Variants in CD46 observed in about 807,000 individuals in gnomAD.
The protein encoded by CD46 is membrane cofactor protein.
CD46 carries 30 observed loss-of-function variants against 53.3 expected under a neutral mutation model. That is an observed-to-expected ratio of 0.56 (90% confidence interval 0.42 to 0.76). The LOEUF (loss-of-function observed/expected upper bound fraction) is 0.76, where lower values mean the gene tolerates loss of function less well. Ranked by LOEUF, CD46 falls within the 30% of genes least tolerant of loss-of-function variation. The pLI is 0.00. For synonymous variants in CD46, 142 were observed against 152.0 expected, an observed-to-expected ratio of 0.93 and a Z score of 0.48; for missense variants, 409 against 463.0, an observed-to-expected ratio of 0.88 and a Z score of 1.07.
intron 8 of CD46, among the ~76,000 whole-genome samples, chr1:207,779,736 C>T (rs1341901290): frequency 1.3e-5 from 2 of 151,912 alleles, no homozygotes; most frequent in Non-Finnish European, 2.9e-5. Flanking sequence ...GGTTCCACCT[C>T]GCCCCACCCC....
In CD46 at chr1:207,762,015, G is replaced by A. The variant is rs115807596; in HGVS notation, c.673+569G>A. ...TACACATGAAACATTCTCCAAAGTA[G>A]ACCATATTCTAGACAATAAGACAAC... On this transcript the variant is annotated intron_variant, in intron 5 of 12. Transcript: ENST00000367042. Among the ~76,000 whole-genome samples the A allele has an allele frequency of 4.6e-3, 708 of 152,270 alleles. 9 individuals are homozygous for A. The highest frequency in any genetic ancestry group is 0.025 in the South Asian group (121 of 4,826).
At chr1:207,753,020 G>T (rs1655097734) in intron 1 of CD46, among the ~76,000 whole-genome samples, 1 of 151,066 alleles carries the variant, frequency 6.6e-6, no homozygotes. Context: ...TGTGCCTTCT[G>T]TGAACAGTCT....
intron 8 of CD46, among the ~76,000 whole-genome samples, chr1:207,781,083 C>A (rs41317957): frequency 8.6e-5 from 13 of 150,952 alleles, no homozygotes; most frequent in Non-Finnish European, 1.8e-4. Context: ...ATTACATTGA[C>A]AATTAAATTT....
chr1:207,768,192 A>G (rs1239840361), intron 7 of CD46: 3 of 222,110 alleles, frequency 1.4e-5, no homozygotes, highest in South Asian at 7.0e-5. Flanking sequence ...GAGCTAGCCA[A>G]TATGACTTAT....
chr1:207,767,187 G>C lies in CD46; in HGVS notation c.848G>C (p.Cys283Ser). ...ACTTGGGATCCCCCAGTTCCAAAGT[G>C]TCTTAAAGGTACAAAGGTTATCTTT... ...NSTWDPPVPK[C>S]LKVSTSSTTK... Residue 283 changes from cysteine to serine, a missense_variant, in exon 6 of 13, where the codon TGT becomes TCT. Cys to Ser is a moderately radical substitution (Grantham distance 112). Transcript: ENST00000367042. 6.2e-7 allele frequency: 1 copy of C among 1,612,724 alleles called. No individual in the cohort carries two copies. The highest frequency in any genetic ancestry group is 8.5e-7 in the Non-Finnish European group (1 of 1,178,730).
intron 9 of CD46, 79 bp from the exon 10 acceptor site, chr1:207,784,992 G>A: frequency 2.5e-6 from 3 of 1,188,312 alleles, no homozygotes; most frequent in Non-Finnish European, 3.7e-6. Context: ...ACCATATCAA[G>A]TGTTTAGATG....
intron 4 of CD46, 45 bp from the exon 5 acceptor site, chr1:207,761,204 T>C (rs553605622): frequency 3.1e-6 from 4 of 1,273,630 alleles, no homozygotes; most frequent in South Asian, 2.5e-5. Flanking sequence ...ACTAATGCTG[T>C]CTTAATCTTT....
intron 8 of CD46, among the ~76,000 whole-genome samples, chr1:207,779,896 T>C: frequency 7.2e-6 from 1 of 138,190 alleles, no homozygotes; most frequent in Non-Finnish European, 1.5e-5. Flanking sequence ...TCTTCTATTC[T>C]TGTAGCAAAA....
Position 207,794,186 on chromosome 1 carries a change from G to A in CD46, c.*709G>A, listed in dbSNP as rs997627808. 5.2e-5 allele frequency: 8 copies of A among 153,512 alleles called. No individual in the cohort carries two copies. The highest frequency in any genetic ancestry group is 1.9e-4 in the African/African-American group (8 of 41,446). 9.5% of individuals were successfully genotyped at this position (153,512 alleles called of 1,614,324 possible). A position where few individuals can be genotyped will look rare whatever the true frequency, so the allele number is the denominator to read the frequency against. On this transcript the variant is annotated 3_prime_UTR_variant, in exon 13 of 13. Transcript: ENST00000367042. ...GTAAATTCTCTATTTTTTGTAATGT[G>A]TTCGGTGATTTCAGAAAGCTAGAAA...
At chr1:207,755,025 G>T (rs537752182) in intron 1 of CD46, among the ~76,000 whole-genome samples, 1 of 151,714 alleles carries the variant, frequency 6.6e-6, no homozygotes, top group South Asian at 2.1e-4. Flanking sequence ...GGAGACTGAA[G>T]GGGGAGGATC....
At chr1:207,768,822 T>G (rs183520579) in intron 7 of CD46, 1 of 152,382 alleles carries the variant, frequency 6.6e-6, no homozygotes, top group East Asian at 1.9e-4. Context: ...ACATCATTTC[T>G]GTGGTCTTCA....
At chr1:207,789,851 T>C (rs1031074499) in intron 11 of CD46, among the ~76,000 whole-genome samples, 3 of 111,246 alleles carry the variant, frequency 2.7e-5, no homozygotes, top group African/African-American at 3.6e-5. Context: ...CTGGGCAACA[T>C]AGTGAGATGC....
intron 7 of CD46, chr1:207,770,047 T>C: frequency 2.5e-6 from 1 of 407,468 alleles, no homozygotes; most frequent in Non-Finnish European, 4.6e-6. Flanking sequence ...ATTACAGGCG[T>C]GAGCCACCAC....
chr1:207,767,347 C>T (rs1656973313), intron 6 of CD46, 152 bp downstream of exon 6: 2 of 773,728 alleles, frequency 2.6e-6, no homozygotes, highest in African/African-American at 1.8e-5. Flanking sequence ...ATTTCTATGC[C>T]AGATGAATGA....
chr1:207,764,148 G>A (rs573847188), intron 5 of CD46, among the ~76,000 whole-genome samples: 8 of 152,248 alleles, frequency 5.3e-5, no homozygotes, highest in East Asian at 1.9e-4. Flanking sequence ...TGTGATAGGC[G>A]GTGTTCTGGG....
At chr1:207,783,194 G>T in intron 8 of CD46, 98 bp from the exon 9 acceptor site, 1 of 636,944 alleles carries the variant, frequency 1.6e-6, no homozygotes, top group South Asian at 2.1e-5. Flanking sequence ...CTACAAAGGT[G>T]AAAAAAAATC....
intron 7 of CD46, 86 bp from the exon 8 acceptor site, chr1:207,770,235 C>T (rs1657342283): frequency 2.0e-6 from 2 of 980,602 alleles, no homozygotes; most frequent in East Asian, 4.8e-5. Flanking sequence ...ATTTGATAAA[C>T]TTAAAAAATC....
At position 207,757,551 on chromosome 1, in the gene CD46, C is replaced by G. The variant is rs1449060099; in HGVS notation, c.298C>G (p.Pro100Ala). The change falls in exon 3 of 13, where the codon CCA becomes GCA. Residue 100 changes from proline (P) to alanine (A), a missense_variant. Physicochemically the swap from Pro to Ala is conservative, Grantham distance 27. Coordinates refer to ENST00000367042, the MANE Select transcript of CD46 (RefSeq NM_172351.3). ...SDDACYRETC[P>A]YIRDPLNGQA... ...TTATTTTCTTTCAGGAGAAACATGT[C>G]CATATATACGGGATCCTTTAAATGG... 6.3e-7 allele frequency: 1 copy of G among 1,598,988 alleles called. No individual in the cohort carries two copies. Among genetic ancestry groups the G allele is most frequent in the Non-Finnish European group, 8.6e-7 (1 of 1,167,846 alleles).
Position 207,752,653 on chromosome 1 carries a change from T to G in CD46, c.97+344T>G, listed in dbSNP as rs1392008628. 2.0e-5 allele frequency among the ~76,000 whole-genome samples: 3 copies of G among 151,996 alleles called. No individual in the cohort carries two copies. The highest frequency in any genetic ancestry group is 2.9e-5 in the Non-Finnish European group (2 of 67,978). On this transcript the variant is annotated intron_variant, in intron 1 of 12. Coordinates refer to ENST00000367042, the MANE Select transcript of CD46 (RefSeq NM_172351.3). The surrounding 1 kb of genome is among the most constrained non-coding windows in gnomAD (Gnocchi z 4.1). ...GAGGGCTTGTTCTGGAGTGCACAGG[T>G]GCGTGGGAGTGTTGCTAGGGCCCGT...
Sources: gnomAD v4.1 joint callset for allele counts (sites outside exome capture counted in the v4.1 genomes callset) on GRCh38, gnomAD v4.1.1 for gene constraint, Gnocchi (gnomAD v3.1) non-coding constraint, MANE v1.5 for transcripts, NCBI Gene and HGNC (gene_info 2026-07-23, HGNC 2026-07-21) for gene names.